Variants in COBL observed in about 807,000 individuals in gnomAD.
COBL encodes the protein protein cordon-bleu.
Under a neutral mutation model 98.8 loss-of-function variants are expected in COBL, and 51 were observed. That is an observed-to-expected ratio of 0.52 (90% CI 0.41 to 0.65). The LOEUF is 0.65. COBL is among the 30% of genes least tolerant of loss of function. The probability of loss-of-function intolerance (pLI) is 0.00; values close to 1 mark genes in which losing one functional copy is unlikely to be tolerated. For synonymous variants in COBL, 634 were observed against 651.7 expected, an observed-to-expected ratio of 0.97 and a Z score of 0.41; for missense variants, 1,617 against 1,617.5, an observed-to-expected ratio of 1.00 and a Z score of 0.01.
At chr7:51,107,464 T>A (rs1472414041) in intron 6 of COBL, among the ~76,000 whole-genome samples, 5 of 152,212 alleles carry the variant, frequency 3.3e-5, no homozygotes, top group Non-Finnish European at 7.3e-5. Flanking sequence ...TCAGTAAATA[T>A]TATACAACTA....
At chr7:51,201,767 A>G (rs980120551) in intron 2 of COBL, among the ~76,000 whole-genome samples, 2 of 152,246 alleles carry the variant, frequency 1.3e-5, no homozygotes, top group Non-Finnish European at 2.9e-5. Context: ...TGCCTTTTCC[A>G]GCCATAATGG....
At position 51,282,535 on chromosome 7, in the gene COBL, C is replaced by T. The variant is rs561619491; in HGVS notation, c.41+34058G>A. Among the ~76,000 whole-genome samples, 9 of 152,156 alleles carry T rather than the reference C, an allele frequency of 5.9e-5. No homozygotes were observed. The South Asian group carries it at 1.7e-3, about 28-fold the overall frequency. ...AAGAAGATATAACAATCCTAAACTTCAATACACCTGACAATGAAGCTTTGA... is the reference window on the plus strand; with the variant it reads ...AAGAAGATATAACAATCCTAAACTTTAATACACCTGACAATGAAGCTTTGA... On this transcript the variant is annotated intron_variant, in intron 1 of 12. Coordinates refer to ENST00000265136, the MANE Select transcript of COBL (RefSeq NM_015198.5).
chr7:51,148,832 A>AC (rs530809269), intron 5 of COBL, among the ~76,000 whole-genome samples: 9 of 150,720 alleles, frequency 6.0e-5, no homozygotes, highest in Middle Eastern at 3.4e-3. Context: ...CCATTCAGAC[A>AC]CCCCCCGGAG....
chr7:51,215,168 C>G (rs116582026), intron 2 of COBL, among the ~76,000 whole-genome samples: 2,127 of 152,274 alleles, frequency 0.014, 51 homozygotes, highest in African/African-American at 0.048. Context: ...ACTGGTATAA[C>G]ACCAATGTCA....
intron 5 of COBL, among the ~76,000 whole-genome samples, chr7:51,152,450 A>G (rs978883204): frequency 5.3e-5 from 8 of 152,326 alleles, no homozygotes; most frequent in Middle Eastern, 3.4e-3. Context: ...GCCGACTCCC[A>G]CATTTACATT....
intron 5 of COBL, among the ~76,000 whole-genome samples, chr7:51,178,717 T>A (rs927705684): frequency 6.6e-5 from 10 of 152,126 alleles, no homozygotes; most frequent in African/African-American, 2.4e-4. Flanking sequence ...CAACCTAGTC[T>A]CCTGCCTCAG....
Position 51,040,837 on chromosome 7 carries a change from C to CA in COBL, c.1406+2545dup, listed in dbSNP as rs1181643449. Among the ~76,000 whole-genome samples, 3 of 152,128 alleles carry CA rather than the reference C, an allele frequency of 2.0e-5. No individual in the cohort carries two copies. The East Asian group carries it at 5.8e-4, about 29-fold the overall frequency. ...TGATTATTCTGGCTGTGGCCATAGT[C>CA]AATATTAACCCTCATTATTTGGATA... On this transcript the variant is annotated intron_variant, in intron 8 of 12. Transcript: ENST00000265136.
chr7:51,073,350 G>A (rs1012058638), intron 7 of COBL: 14 of 697,654 alleles, frequency 2.0e-5, no homozygotes, highest in African/African-American at 1.4e-4. Context: ...CATCAGAAGC[G>A]CTTGGCCTGA....
chr7:51,285,449 C>G (rs1276177102), intron 1 of COBL, among the ~76,000 whole-genome samples: 1 of 150,144 alleles, frequency 6.7e-6, no homozygotes, highest in African/African-American at 2.4e-5. Flanking sequence ...AATACAAAGT[C>G]AACACACAAA....
chr7:51,264,139 C>T (rs1473482695), intron 1 of COBL, among the ~76,000 whole-genome samples: 1 of 152,174 alleles, frequency 6.6e-6, no homozygotes, highest in African/African-American at 2.4e-5. Flanking sequence ...GAGTTCCAAT[C>T]GCAGCCCCCA....
chr7:51,248,134 C>T (rs1796418906), intron 1 of COBL, among the ~76,000 whole-genome samples: 1 of 152,118 alleles, frequency 6.6e-6, no homozygotes, highest in African/African-American at 2.4e-5. Flanking sequence ...GCAAAACAGG[C>T]TTTGCACACA....
At chr7:51,092,632 T>C (rs1477410814) in intron 6 of COBL, among the ~76,000 whole-genome samples, 2 of 152,184 alleles carry the variant, frequency 1.3e-5, no homozygotes, top group Admixed American at 6.5e-5. Flanking sequence ...ACTGTTCCAT[T>C]GGTTGATATG....
intron 1 of COBL, among the ~76,000 whole-genome samples, chr7:51,237,538 T>TTAA (rs1554441654): frequency 2.2e-4 from 29 of 132,758 alleles, no homozygotes; most frequent in African/African-American, 7.3e-4. Context: ...TTTTTTTTCT[T>TTAA]AAAAAAAAAA....
intron 2 of COBL, among the ~76,000 whole-genome samples, chr7:51,213,747 G>T (rs1463519117): frequency 6.6e-6 from 1 of 152,014 alleles, no homozygotes; most frequent in Non-Finnish European, 1.5e-5. Flanking sequence ...AAGCCACATC[G>T]CCGGAAACAG....
chr7:51,196,310 G>A (rs1396634712), intron 2 of COBL, among the ~76,000 whole-genome samples: 1 of 152,144 alleles, frequency 6.6e-6, no homozygotes, highest in Non-Finnish European at 1.5e-5. Flanking sequence ...TTATTGATTT[G>A]CATATGTTGA....
chr7:51,222,072 C>T (rs1008014548), intron 1 of COBL, among the ~76,000 whole-genome samples: 1 of 152,110 alleles, frequency 6.6e-6, no homozygotes, highest in African/African-American at 2.4e-5. Flanking sequence ...GCCTGTAATC[C>T]CAGCCAGTTG....
intron 7 of COBL, among the ~76,000 whole-genome samples, chr7:51,048,246 C>A (rs1194493704): frequency 1.3e-5 from 2 of 152,144 alleles, no homozygotes; most frequent in African/African-American, 4.8e-5. Flanking sequence ...CATCTCCTTC[C>A]ATTTTTCATT....
intron 7 of COBL, among the ~76,000 whole-genome samples, chr7:51,053,228 T>C (rs1790403647): frequency 6.6e-6 from 1 of 152,238 alleles, no homozygotes; most frequent in African/African-American, 2.4e-5. Context: ...CACAAAAAGC[T>C]GCCTACAATC....
intron 1 of COBL, among the ~76,000 whole-genome samples, chr7:51,272,383 C>T (rs1483099862): frequency 6.6e-6 from 1 of 152,192 alleles, no homozygotes; most frequent in East Asian, 1.9e-4. Context: ...TCATCCCAGG[C>T]AGTCCGATTC....
Sources: gnomAD v4.1 joint callset for allele counts (sites outside exome capture counted in the v4.1 genomes callset) on GRCh38, gnomAD v4.1.1 for gene constraint, MANE v1.5 for transcripts, NCBI Gene and HGNC (gene_info 2026-07-23, HGNC 2026-07-21) for gene names.